Variants in TOM1L2 observed in about 807,000 individuals in gnomAD.
TOM1L2 encodes TOM1-like protein 2.
TOM1L2 carries 31 observed loss-of-function variants against 67.9 expected under a neutral mutation model. That is an observed-to-expected ratio of 0.46 (90% CI 0.34 to 0.62). TOM1L2 has a LOEUF of 0.62. Among genes scored for constraint, TOM1L2 ranks in the 20% least tolerant of loss-of-function variants. TOM1L2 has a pLI of 0.01. For synonymous variants in TOM1L2, 256 were observed against 254.0 expected (o/e 1.01, Z -0.07); for missense variants, 606 against 663.5 (o/e 0.91, Z 0.95).
chr17:17,855,174 G>A (rs1252313019), intron 12 of TOM1L2, among the ~76,000 whole-genome samples: 1 of 152,208 alleles, frequency 6.6e-6, no homozygotes, highest in Non-Finnish European at 1.5e-5. Context: ...TTCTCACTTG[G>A]AACTGCAGGC....
intron 1 of TOM1L2, among the ~76,000 whole-genome samples, chr17:17,956,833 G>C (rs1030000504): frequency 6.6e-6 from 1 of 152,148 alleles, no homozygotes; most frequent in Non-Finnish European, 1.5e-5. Flanking sequence ...GCGCAGCCCG[G>C]TTCCCGCCCG....
At chr17:17,869,509 G>A (rs1363746063) in intron 7 of TOM1L2, 36 bp from the exon 8 acceptor site, 5 of 1,560,496 alleles carry the variant, frequency 3.2e-6, no homozygotes, top group Admixed American at 2.0e-5. Flanking sequence ...AGCCTGCTGG[G>A]TGTGCTTTTC....
At chr17:17,851,367 C>T (rs1353957100) in intron 12 of TOM1L2, 2 of 286,790 alleles carry the variant, frequency 7.0e-6, no homozygotes, top group African/African-American at 2.2e-5. Flanking sequence ...CTGTCAAGCC[C>T]AACCCAGGGA....
At chr17:17,878,252 A>C (rs1204682449) in intron 7 of TOM1L2, among the ~76,000 whole-genome samples, 1 of 152,220 alleles carries the variant, frequency 6.6e-6, no homozygotes, top group Non-Finnish European at 1.5e-5. Flanking sequence ...GCCTGGGCTG[A>C]TGCAGGTGTG....
chr17:17,944,498 G>T (rs979739244), intron 1 of TOM1L2, among the ~76,000 whole-genome samples: 2 of 152,178 alleles, frequency 1.3e-5, no homozygotes. Flanking sequence ...TTTATGATCC[G>T]TGGGATCAGA....
At chr17:17,887,618 A>G (rs926469434) in intron 4 of TOM1L2, among the ~76,000 whole-genome samples, 1 of 152,158 alleles carries the variant, frequency 6.6e-6, no homozygotes, top group Admixed American at 6.5e-5. Context: ...TGGGACTATA[A>G]GCATGTGCCA....
chr17:17,933,150 G>T (rs187958674), intron 1 of TOM1L2, among the ~76,000 whole-genome samples: 1 of 152,198 alleles, frequency 6.6e-6, no homozygotes, highest in Admixed American at 6.5e-5. Context: ...GGAACTTTTT[G>T]TCTTCTTCCT....
chr17:17,964,946 C>T (rs116151361), intron 1 of TOM1L2, among the ~76,000 whole-genome samples: 231 of 152,286 alleles, frequency 1.5e-3, no homozygotes, highest in African/African-American at 5.5e-3. Flanking sequence ...GTTTTAAGAC[C>T]TGTCCAGGCA....
intron 2 of TOM1L2, among the ~76,000 whole-genome samples, chr17:17,904,798 T>C (rs1198306243): frequency 2.0e-5 from 3 of 150,896 alleles, no homozygotes; most frequent in East Asian, 3.9e-4. Context: ...CTGGCCCTTT[T>C]GATGCCACCC....
intron 4 of TOM1L2, among the ~76,000 whole-genome samples, 167 bp from the exon 5 acceptor site, chr17:17,884,935 C>A (rs1450154575): frequency 6.6e-6 from 1 of 152,216 alleles, no homozygotes; most frequent in Non-Finnish European, 1.5e-5. Flanking sequence ...ACTGCTGCCA[C>A]GACACAGCTG....
intron 1 of TOM1L2, among the ~76,000 whole-genome samples, chr17:17,908,881 G>A (rs2039217283): frequency 6.6e-6 from 1 of 152,154 alleles, no homozygotes; most frequent in South Asian, 2.1e-4. Flanking sequence ...CAGGACGGTA[G>A]TTAAAACACA....
At chr17:17,852,835 A>G (rs963626371) in intron 12 of TOM1L2, among the ~76,000 whole-genome samples, 4 of 139,032 alleles carry the variant, frequency 2.9e-5, no homozygotes, top group Non-Finnish European at 6.0e-5. Flanking sequence ...ATTGCACTCC[A>G]CCCTGGGCAA....
intron 4 of TOM1L2, among the ~76,000 whole-genome samples, chr17:17,886,774 G>A (rs1403816159): frequency 3.3e-5 from 5 of 152,230 alleles, no homozygotes; most frequent in African/African-American, 9.7e-5. Flanking sequence ...TCTCCAGTTG[G>A]AGGATACTTC....
intron 1 of TOM1L2, among the ~76,000 whole-genome samples, chr17:17,971,368 T>A (rs1276472665): frequency 6.6e-6 from 1 of 152,136 alleles, no homozygotes; most frequent in East Asian, 1.9e-4. Context: ...GCTTCCATGA[T>A]TCCCAGTCCA....
intron 2 of TOM1L2, among the ~76,000 whole-genome samples, chr17:17,900,959 A>G (rs1228680245): frequency 6.6e-6 from 1 of 152,156 alleles, no homozygotes; most frequent in Non-Finnish European, 1.5e-5. Context: ...TTGAACTTCC[A>G]TGGAACAGGA....
At chr17:17,916,761 G>A (rs528167717) in intron 1 of TOM1L2, among the ~76,000 whole-genome samples, 5 of 152,018 alleles carry the variant, frequency 3.3e-5, no homozygotes, top group South Asian at 4.2e-4. Context: ...AGTGGCTCAC[G>A]CCTGTAATCC....
At chr17:17,957,233 G>A (rs1340853530) in intron 1 of TOM1L2, among the ~76,000 whole-genome samples, 3 of 152,138 alleles carry the variant, frequency 2.0e-5, no homozygotes, top group Non-Finnish European at 4.4e-5. Flanking sequence ...CTCCTGCCTT[G>A]GCCTCCCAAA....
At chr17:17,857,140 A>G (rs61169324) in intron 12 of TOM1L2, among the ~76,000 whole-genome samples, 7,805 of 152,092 alleles carry the variant, frequency 0.051, 575 homozygotes, top group African/African-American at 0.16. Flanking sequence ...TTTTTAGTAG[A>G]GACAGGGTTT....
chr17:17,928,225 GA>G (rs933098339), intron 1 of TOM1L2, among the ~76,000 whole-genome samples: 1 of 152,060 alleles, frequency 6.6e-6, no homozygotes, highest in Non-Finnish European at 1.5e-5. Flanking sequence ...GCCCCCTAAG[GA>G]AATAAATAAG....
Sources: allele counts gnomAD v4.1 joint callset (sites outside exome capture counted in the v4.1 genomes callset), GRCh38; gene constraint gnomAD v4.1.1; transcripts MANE v1.5; gene names NCBI Gene and HGNC (gene_info 2026-07-23, HGNC 2026-07-21).